NLRP9: variants seen among roughly 807,000 people sequenced by gnomAD.
The protein encoded by NLRP9 is NLR family pyrin domain containing 9, also known as NACHT, LRR and PYD domains-containing protein 9.
NLRP9 carries 88 observed loss-of-function variants against 83.1 expected under a neutral mutation model. The observed-to-expected ratio is 1.06, with a 90% CI of 0.89 to 1.26. The LOEUF is 1.26. Among genes scored for constraint, NLRP9 ranks in the 50% most tolerant of loss-of-function variants. NLRP9 has a pLI of 0.00. For missense variants in NLRP9, 1,308 were observed against 1,179.3 expected (o/e 1.11, Z -1.60); for synonymous variants, 521 against 447.6 (o/e 1.16, Z -2.07).
At chr19:55,735,405 T>G (rs1054394305) in intron 1 of NLRP9, among the ~76,000 whole-genome samples, 8 of 152,084 alleles carry the variant, frequency 5.3e-5, no homozygotes, top group African/African-American at 1.9e-4. Context: ...TTGGCCAACA[T>G]AGTGAGACTC....
At chr19:55,727,509 T>TA (rs2122318767) in intron 3 of NLRP9, among the ~76,000 whole-genome samples, 1 of 152,332 alleles carries the variant, frequency 6.6e-6, no homozygotes, top group African/African-American at 2.4e-5. Context: ...GCAAGACCAC[T>TA]AACCACCTCT....
At chr19:55,712,772 T>TGGGAGAATGAGGGAGGAGGGAAGAAG in intron 6 of NLRP9, among the ~76,000 whole-genome samples, 182 bp from the exon 7 acceptor site, 1 of 36,728 alleles carries the variant, frequency 2.7e-5, no homozygotes, top group African/African-American at 1.4e-4. Flanking sequence ...GACGGGAGGG[T>TGGGAGAATGAGGGAGGAGGGAAGAAG]GGGAGAATGA....
intron 4 of NLRP9, among the ~76,000 whole-genome samples, chr19:55,723,116 A>G (rs889192577): frequency 1.1e-4 from 17 of 152,118 alleles, no homozygotes; most frequent in African/African-American, 3.9e-4. Context: ...TGCACGTTGT[A>G]CACATGTACT....
intron 3 of NLRP9, among the ~76,000 whole-genome samples, chr19:55,726,587 T>C (rs1321386171): frequency 6.6e-6 from 1 of 152,216 alleles, no homozygotes; most frequent in Non-Finnish European, 1.5e-5. Context: ...CAGCCTCTAC[T>C]GATGCCACTC....
chr19:55,715,598 C>A (rs1474864538), intron 5 of NLRP9, among the ~76,000 whole-genome samples: 1 of 152,132 alleles, frequency 6.6e-6, no homozygotes, highest in Admixed American at 6.6e-5. Flanking sequence ...GCAGGAGAAT[C>A]GCTTGAACCC....
At chr19:55,724,770 G>C (rs1414635929) in intron 3 of NLRP9, among the ~76,000 whole-genome samples, 1 of 152,194 alleles carries the variant, frequency 6.6e-6, no homozygotes, top group East Asian at 1.9e-4. Context: ...TGGTAATTAA[G>C]AAATTAACAT....
intron 6 of NLRP9, among the ~76,000 whole-genome samples, chr19:55,713,941 C>T (rs1987909150): frequency 7.7e-6 from 1 of 129,360 alleles, no homozygotes; most frequent in Non-Finnish European, 1.6e-5. Context: ...GCTCAACACC[C>T]TAGGAAGCAT....
Position 55,732,873 on chromosome 19 carries a change from CT to C in NLRP9, c.957del (p.Val320SerfsTer5). ...CCATTATCTCTCACAAAATTGAAGA[CT>C]TTCAGGGCTTTGCTCTTCTCACCAA... ...YFFGEKSKALKVFNFVRDNGP... is the reference protein window; with the variant it reads ...YFFGEKSKALXVFNFVRDNGP... On this transcript the variant is annotated frameshift_variant, in exon 2 of 9. Coordinates refer to ENST00000332836, the MANE Select transcript of NLRP9 (RefSeq NM_176820.4). LOFTEE classifies it high-confidence loss of function. The C allele has an allele frequency of 1.2e-6, 2 of 1,614,070 alleles. No homozygotes were observed. The highest frequency in any genetic ancestry group is 1.7e-6 in the Non-Finnish European group (2 of 1,180,014).
At chr19:55,717,747 G>C (rs1186473760) in intron 4 of NLRP9, among the ~76,000 whole-genome samples, 2 of 152,142 alleles carry the variant, frequency 1.3e-5, no homozygotes. Flanking sequence ...ACCCAATCCT[G>C]ACACTTCCCA....
chr19:55,736,438 A>G (rs764053371), intron 1 of NLRP9, among the ~76,000 whole-genome samples: 1 of 152,024 alleles, frequency 6.6e-6, no homozygotes, highest in Non-Finnish European at 1.5e-5. Context: ...TATAACATTT[A>G]GGACCTCAGT....
In NLRP9 at chr19:55,724,016, G is replaced by A. The variant is rs138353536; in HGVS notation, c.2123C>T (p.Thr708Met). ...SQSDIRHLCETLKHPMCKIEE... is the reference protein window; with the variant it reads ...SQSDIRHLCEMLKHPMCKIEE... Reference sequence around the variant, plus strand: ...TATCTTGCACATTGGATGTTTCAGCGTCTCACACAGGTGTCTGATGTCAGA... The same window carrying A: ...TATCTTGCACATTGGATGTTTCAGCATCTCACACAGGTGTCTGATGTCAGA... The change falls in exon 4 of 9, where the codon ACG becomes ATG. Residue 708 changes from threonine to methionine, a missense_variant. Physicochemically the swap from Thr to Met is moderately conservative, Grantham distance 81. Transcript: ENST00000332836. 9.6e-4 allele frequency: 1,548 copies of A among 1,613,844 alleles called. 3 individuals carry two copies. Among genetic ancestry groups the A allele is most frequent in the Non-Finnish European group, 1.1e-3 (1,294 of 1,179,840 alleles).
At chr19:55,729,326 G>A (rs986583973) in intron 3 of NLRP9, among the ~76,000 whole-genome samples, 24 of 151,102 alleles carry the variant, frequency 1.6e-4, no homozygotes, top group Non-Finnish European at 2.8e-4. Flanking sequence ...ATGTTGGTGT[G>A]CTGCACCCAT....
intron 1 of NLRP9, among the ~76,000 whole-genome samples, chr19:55,735,093 C>T (rs1422915079): frequency 6.6e-6 from 1 of 152,158 alleles, no homozygotes; most frequent in East Asian, 1.9e-4. Context: ...AGGGGCCCTA[C>T]AGTCGCTCAC....
intron 1 of NLRP9, among the ~76,000 whole-genome samples, chr19:55,734,085 G>A (rs1014579722): frequency 3.3e-5 from 5 of 151,740 alleles, no homozygotes; most frequent in Non-Finnish European, 5.9e-5. Context: ...ACTACGCATG[G>A]TTAAGTTTTT....
chr19:55,715,006 A>G (rs771879175), intron 6 of NLRP9, 49 bp downstream of exon 6: 7 of 1,530,258 alleles, frequency 4.6e-6, no homozygotes, highest in Non-Finnish European at 6.2e-6. Context: ...GAGCCACAGT[A>G]TCCAAAAAAA....
chr19:55,713,483 C>T lies in NLRP9; in HGVS notation c.2502-893G>A, dbSNP rs371875357. On this transcript the variant is annotated intron_variant, in intron 6 of 8. Coordinates refer to ENST00000332836, the MANE Select transcript of NLRP9 (RefSeq NM_176820.4). ...TACTTGTGTGTTGGTGGCTCTCAGGCAGGCAAGATTTTTGCCCACCAGAGG... is the reference window on the plus strand; with the variant it reads ...TACTTGTGTGTTGGTGGCTCTCAGGTAGGCAAGATTTTTGCCCACCAGAGG... 1.6e-4 allele frequency among the ~76,000 whole-genome samples: 24 copies of T among 151,686 alleles called. No individual in the cohort carries two copies. In the Middle Eastern group the frequency reaches 0.01, roughly 64 times the overall value.
intron 3 of NLRP9, among the ~76,000 whole-genome samples, chr19:55,727,865 A>C (rs1988446955): frequency 6.6e-6 from 1 of 152,112 alleles, no homozygotes; most frequent in South Asian, 2.1e-4. Flanking sequence ...TTGCTAGGAG[A>C]CCTTGTACGA....
intron 4 of NLRP9, among the ~76,000 whole-genome samples, chr19:55,721,054 C>G (rs1988209548): frequency 6.6e-6 from 1 of 152,166 alleles, no homozygotes; most frequent in African/African-American, 2.4e-5. Context: ...ATTTCATAGG[C>G]AAATAATCTG....
chr19:55,732,945 A>C lies in NLRP9; in HGVS notation c.886T>G (p.Leu296Val). ...MLRHPKLIKLLGFSESEKKSY... is the reference protein window; with the variant it reads ...MLRHPKLIKLVGFSESEKKSY... ...TTCTTTTCAGATTCACTGAATCCTA[A>C]GAGCTTTATGAGTTTTGGATGCCGC... Residue 296 changes from leucine to valine, a missense_variant, in exon 2 of 9, where the codon TTA becomes GTA. Physicochemically the swap from Leu to Val is conservative, Grantham distance 32. Transcript: ENST00000332836. The C allele has an allele frequency of 1.9e-6, 3 of 1,614,198 alleles. No homozygotes were observed. The highest frequency in any genetic ancestry group is 2.5e-6 in the Non-Finnish European group (3 of 1,180,016).
Sources: gnomAD v4.1 joint callset for allele counts (sites outside exome capture counted in the v4.1 genomes callset) on GRCh38, gnomAD v4.1.1 for gene constraint, MANE v1.5 for transcripts, NCBI Gene and HGNC (gene_info 2026-07-23, HGNC 2026-07-21) for gene names.